The following TRAPPC9 variants were observed in gnomAD, a reference collection of about 807,000 sequenced individuals.
TRAPPC9 encodes the protein IKK2 binding protein.
A neutral mutation model predicts 124.0 loss-of-function variants in TRAPPC9; 83 were observed. The observed-to-expected ratio is 0.67, with a 90% CI of 0.56 to 0.80. TRAPPC9 has a LOEUF of 0.80. Ranked by LOEUF, TRAPPC9 falls within the 30% of genes least tolerant of loss-of-function variation. The probability of loss-of-function intolerance (pLI) is 0.00; values close to 1 mark genes in which losing one functional copy is unlikely to be tolerated. For missense variants in TRAPPC9, 1,302 were observed against 1,508.3 expected, an observed-to-expected ratio of 0.86 and a Z score of 2.27; for synonymous variants, 638 against 617.5, an observed-to-expected ratio of 1.03 and a Z score of -0.49.
At chr8:139,747,030 T>A (rs1281680278) in intron 21 of TRAPPC9, among the ~76,000 whole-genome samples, 1 of 152,254 alleles carries the variant, frequency 6.6e-6, no homozygotes, top group Non-Finnish European at 1.5e-5. Context: ...ATATGCCTGC[T>A]GGCTGGAAGC....
intron 17 of TRAPPC9, among the ~76,000 whole-genome samples, chr8:140,073,888 T>G (rs1194523733): frequency 6.6e-6 from 1 of 152,210 alleles, no homozygotes; most frequent in African/African-American, 2.4e-5. Flanking sequence ...TGAGTTAAAT[T>G]TAATCACCTA....
chr8:140,314,130 A>G (rs1005221321), intron 9 of TRAPPC9, among the ~76,000 whole-genome samples: 2 of 152,206 alleles, frequency 1.3e-5, no homozygotes, highest in Admixed American at 6.5e-5. Flanking sequence ...TCATTTGGTT[A>G]TCCTGGAACG....
At chr8:140,324,071 A>C (rs1472610284) in intron 9 of TRAPPC9, among the ~76,000 whole-genome samples, 3 of 152,058 alleles carry the variant, frequency 2.0e-5, no homozygotes, top group Admixed American at 6.5e-5. Flanking sequence ...GGAGTCCCCA[A>C]AGTCCGTTGT....
chr8:139,966,149 C>T (rs1457130412), intron 19 of TRAPPC9, among the ~76,000 whole-genome samples: 3 of 152,230 alleles, frequency 2.0e-5, no homozygotes, highest in Non-Finnish European at 2.9e-5. Context: ...GCAGAACAGA[C>T]AAGGCCACTG....
intron 17 of TRAPPC9, among the ~76,000 whole-genome samples, chr8:140,114,833 C>T (rs563359986): frequency 6.6e-6 from 1 of 152,142 alleles, no homozygotes; most frequent in South Asian, 2.1e-4. Flanking sequence ...AGGGAACTGT[C>T]GATGATCCGG....
intron 18 of TRAPPC9, among the ~76,000 whole-genome samples, chr8:140,004,281 C>A (rs923015143): frequency 8.5e-5 from 13 of 152,068 alleles, no homozygotes; most frequent in Admixed American, 2.0e-4. Context: ...ATACACCAAG[C>A]TATCTGTGTT....
chr8:140,437,155 A>AT (rs34992880), intron 3 of TRAPPC9, among the ~76,000 whole-genome samples: 63,539 of 150,506 alleles, frequency 0.42, 14,855 homozygotes, highest in Non-Finnish European at 0.52. Context: ...ATTTTATTTT[A>AT]TTTTATTTTG....
At chr8:140,126,985 G>A (rs149242181) in intron 17 of TRAPPC9, among the ~76,000 whole-genome samples, 62 of 152,336 alleles carry the variant, frequency 4.1e-4, no homozygotes, top group South Asian at 8.3e-4. Flanking sequence ...AGGCAGAGAA[G>A]AGCTGGGTCT....
chr8:140,334,354 TA>T (rs779869135), intron 9 of TRAPPC9, among the ~76,000 whole-genome samples: 1 of 152,016 alleles, frequency 6.6e-6, no homozygotes, highest in Non-Finnish European at 1.5e-5. Flanking sequence ...AATGTGAAAT[TA>T]AATCAGTTCC....
chr8:139,966,488 T>C (rs1286370606), intron 19 of TRAPPC9, among the ~76,000 whole-genome samples: 1 of 152,216 alleles, frequency 6.6e-6, no homozygotes, highest in African/African-American at 2.4e-5. Flanking sequence ...CCAAGCTTGG[T>C]CCTTCTTCCA....
At chr8:139,762,365 C>A (rs369514407) in intron 21 of TRAPPC9, among the ~76,000 whole-genome samples, 9 of 152,124 alleles carry the variant, frequency 5.9e-5, no homozygotes, top group African/African-American at 1.4e-4. Context: ...CTTAACACTG[C>A]GGATAGGTTC....
intron 21 of TRAPPC9, among the ~76,000 whole-genome samples, chr8:139,872,493 T>C (rs113989791): frequency 0.021 from 1,923 of 90,410 alleles, 14 homozygotes; most frequent in Middle Eastern, 0.047. Flanking sequence ...GGCTGGTGGA[T>C]GGGTTGATGG....
rs552435925 is a variant in TRAPPC9, at chr8:139,990,743, T to C, written c.2700-1907A>G. On this transcript the variant is annotated intron_variant, in intron 18 of 22. Coordinates refer to ENST00000438773, the MANE Select transcript of TRAPPC9 (RefSeq NM_001160372.4). The stretch of plus-strand genomic sequence containing the variant: ...CTGGGATTACAGGTGCCCGCCACCA[T>C]GCCCAGGTAATTTTTGTATTTTTAG... 7.2e-5 allele frequency among the ~76,000 whole-genome samples: 11 copies of C among 152,212 alleles called. No individual in the cohort carries two copies. The South Asian group carries it at 1.7e-3, about 23-fold the overall frequency.
intron 17 of TRAPPC9, among the ~76,000 whole-genome samples, chr8:140,129,003 A>G (rs373392651): frequency 7.5e-6 from 1 of 132,786 alleles, no homozygotes; most frequent in Non-Finnish European, 1.7e-5. Flanking sequence ...ATATATATAT[A>G]TTAAAAAAAA....
At chr8:140,156,182 G>A (rs1463107105) in intron 17 of TRAPPC9, among the ~76,000 whole-genome samples, 1 of 152,152 alleles carries the variant, frequency 6.6e-6, no homozygotes, top group Non-Finnish European at 1.5e-5. Flanking sequence ...AACACCTCCC[G>A]CCACCACCTG....
intron 15 of TRAPPC9, among the ~76,000 whole-genome samples, chr8:140,272,520 T>G (rs2064984553): frequency 6.6e-6 from 1 of 151,988 alleles, no homozygotes; most frequent in Non-Finnish European, 1.5e-5. Context: ...GTGGCAGTAG[T>G]GGCAAAAGTA....
At chr8:139,939,866 A>C (rs1248014234) in intron 19 of TRAPPC9, among the ~76,000 whole-genome samples, 2 of 152,252 alleles carry the variant, frequency 1.3e-5, no homozygotes, top group Non-Finnish European at 2.9e-5. Context: ...GTGCAGAGGC[A>C]GGTGCAGGTC....
chr8:140,088,433 G>C (rs2130128621), intron 17 of TRAPPC9, among the ~76,000 whole-genome samples: 1 of 152,342 alleles, frequency 6.6e-6, no homozygotes, highest in East Asian at 1.9e-4. Context: ...AAAAGTTGTA[G>C]CACAGAAGTG....
chr8:139,832,519 G>A (rs1325312694), intron 21 of TRAPPC9, among the ~76,000 whole-genome samples: 2 of 152,198 alleles, frequency 1.3e-5, no homozygotes, highest in African/African-American at 4.8e-5. Context: ...AGAGGGCCCA[G>A]CAGGAGGACC....
Sources: allele counts gnomAD v4.1 joint callset (sites outside exome capture counted in the v4.1 genomes callset), GRCh38; gene constraint gnomAD v4.1.1; transcripts MANE v1.5; gene names NCBI Gene and HGNC (gene_info 2026-07-23, HGNC 2026-07-21).